Variants in PCDHGA3 observed in about 807,000 individuals in gnomAD.
The protein encoded by PCDHGA3 is protocadherin gamma subfamily A, 3.
PCDHGA3 carries 40 observed loss-of-function variants against 58.5 expected under a neutral mutation model. The ratio of observed to expected loss-of-function variants is 0.68; its 90% CI spans 0.53 to 0.89. The LOEUF is 0.89. Among genes scored for constraint, PCDHGA3 ranks in the 40% least tolerant of loss-of-function variants. The pLI is 0.00. For synonymous variants in PCDHGA3, 530 were observed against 525.7 expected (o/e 1.01, Z -0.11); for missense variants, 1,223 against 1,195.9 (o/e 1.02, Z -0.33).
chr5:141,374,469 A>C (rs1770516740), intron 1 of PCDHGA3: 1 of 1,612,580 alleles, frequency 6.2e-7, no homozygotes, highest in Admixed American at 1.7e-5. Context: ...ATTAATGACA[A>C]TACACCCCGA....
At chr5:141,418,882 C>T (rs945382775) in intron 1 of PCDHGA3, 8 of 1,613,960 alleles carry the variant, frequency 5.0e-6, no homozygotes, top group Admixed American at 1.7e-5. Flanking sequence ...TAGACGAAAA[C>T]GACAACAGCC....
At chr5:141,451,352 A>G (rs2098714151) in intron 1 of PCDHGA3, among the ~76,000 whole-genome samples, 1 of 152,232 alleles carries the variant, frequency 6.6e-6, no homozygotes, top group Non-Finnish European at 1.5e-5. Flanking sequence ...AAGGGTCAAC[A>G]GAGGATGGAT....
At chr5:141,364,382 A>G (rs745604333) in intron 1 of PCDHGA3, 3 of 1,582,176 alleles carry the variant, frequency 1.9e-6, no homozygotes, top group South Asian at 2.3e-5. Flanking sequence ...GCTGCCCTTC[A>G]TGCTCCTGGG....
intron 3 of PCDHGA3, chr5:141,507,313 T>TAC (rs1554192306): frequency 6.7e-6 from 1 of 150,168 alleles, no homozygotes. Context: ...CATAATGTAC[T>TAC]AAAAAAAAAA....
At chr5:141,389,794 G>A (rs1015982333) in intron 1 of PCDHGA3, 21 of 1,613,396 alleles carry the variant, frequency 1.3e-5, no homozygotes, top group East Asian at 2.2e-5. Flanking sequence ...GACGCCGTCC[G>A]CCAGCGCCTT....
chr5:141,501,390 T>TCAC (rs1033806087), intron 2 of PCDHGA3, among the ~76,000 whole-genome samples: 4 of 151,794 alleles, frequency 2.6e-5, no homozygotes, highest in African/African-American at 9.7e-5. Flanking sequence ...CTAGGTCCTG[T>TCAC]CACAGGCCAC....
intron 1 of PCDHGA3, chr5:141,428,184 C>G: frequency 6.8e-7 from 1 of 1,463,674 alleles, no homozygotes; most frequent in Middle Eastern, 1.7e-4. Flanking sequence ...GGAGGACAGC[C>G]GCCGCTCTCT....
In PCDHGA3 at chr5:141,352,325, G is replaced by A. The variant is rs1001145372; in HGVS notation, c.2424+5868G>A. Reference sequence around the variant, plus strand: ...CCAGACGGAACTGCAGTTTTACCTGGTTGTGGCCTTGGCCTTGATCTCAGT... The same window carrying A: ...CCAGACGGAACTGCAGTTTTACCTGATTGTGGCCTTGGCCTTGATCTCAGT... On this transcript the variant is annotated intron_variant, in intron 1 of 3. Transcript: ENST00000253812. The A allele has an allele frequency of 1.2e-6, 2 of 1,614,080 alleles. No individual in the cohort carries two copies.
intron 1 of PCDHGA3, among the ~76,000 whole-genome samples, chr5:141,434,049 A>G (rs868088310): frequency 2.0e-5 from 3 of 152,116 alleles, no homozygotes; most frequent in Non-Finnish European, 2.9e-5. Flanking sequence ...ATTTTATTCA[A>G]TGGCCTGTAA....
intron 1 of PCDHGA3, among the ~76,000 whole-genome samples, chr5:141,348,336 G>A (rs1758099734): frequency 6.6e-6 from 1 of 152,280 alleles, no homozygotes; most frequent in African/African-American, 2.4e-5. Context: ...AAGGCCCATA[G>A]CCAGGGGAGG....
intron 1 of PCDHGA3, among the ~76,000 whole-genome samples, chr5:141,438,587 CATACATAT>C (rs1166583123): frequency 1.2e-4 from 9 of 73,430 alleles, no homozygotes; most frequent in Non-Finnish European, 1.6e-4. Flanking sequence ...TACATACATA[CATACATAT>C]ATATATATAT....
intron 1 of PCDHGA3, chr5:141,388,233 T>C (rs924261107): frequency 1.2e-6 from 2 of 1,608,114 alleles, no homozygotes; most frequent in South Asian, 1.1e-5. Flanking sequence ...ACTGAACTTT[T>C]ATCACGTGAA....
chr5:141,352,471 C>T (rs746391731), intron 1 of PCDHGA3: 6 of 1,614,034 alleles, frequency 3.7e-6, no homozygotes, highest in Non-Finnish European at 5.1e-6. Flanking sequence ...GGGTTCCTCC[C>T]AACCACAGCG....
At chr5:141,500,215 T>G (rs888740312) in intron 2 of PCDHGA3, among the ~76,000 whole-genome samples, 8 of 150,660 alleles carry the variant, frequency 5.3e-5, no homozygotes, top group African/African-American at 1.9e-4. Context: ...TTTATTTATT[T>G]ATTTATTTAT....
At chr5:141,426,010 C>T (rs2096909211) in intron 1 of PCDHGA3, among the ~76,000 whole-genome samples, 1 of 152,178 alleles carries the variant, frequency 6.6e-6, no homozygotes, top group Non-Finnish European at 1.5e-5. Flanking sequence ...CTTCCGGCTG[C>T]AGTTTTCTAA....
chr5:141,433,221 A>G, intron 1 of PCDHGA3: 1 of 1,475,672 alleles, frequency 6.8e-7, no homozygotes, highest in African/African-American at 1.4e-5. Context: ...TTTTTTTTTT[A>G]ATTGCTCTGT....
chr5:141,408,203 A>G (rs1299661641), intron 1 of PCDHGA3: 2 of 1,550,806 alleles, frequency 1.3e-6, no homozygotes, highest in African/African-American at 1.4e-5. Flanking sequence ...CGAGCGAACG[A>G]TGGGAGGGAG....
rs1301800438 is a variant in PCDHGA3, at chr5:141,432,966, C to T, written c.2425-61841C>T. ...TCAGGAGGCGGCTTGACAGGAGCGC[C>T]GGCGTCGCACTTTGTGGGCGTGGAC... On this transcript the variant is annotated intron_variant, in intron 1 of 3. Coordinates refer to ENST00000253812, the MANE Select transcript of PCDHGA3 (RefSeq NM_018916.4). This position sits in a 1 kb window ranked among gnomAD's most constrained non-coding sequence, Gnocchi z 6.0. 1.2e-6 allele frequency: 2 copies of T among 1,614,066 alleles called. No homozygotes were observed. The highest frequency in any genetic ancestry group is 8.5e-7 in the Non-Finnish European group (1 of 1,180,052).
Position 141,346,317 on chromosome 5 carries a change from G to A in PCDHGA3, c.2284G>A (p.Asp762Asn). The A allele has an allele frequency of 6.2e-7, 1 of 1,614,208 alleles. No homozygotes were observed. Among genetic ancestry groups the A allele is most frequent in the Admixed American group, 1.7e-5 (1 of 60,026 alleles). ...TYSHEVSLTADSRKSHLIFPQ... is the reference protein window; with the variant it reads ...TYSHEVSLTANSRKSHLIFPQ... Reference sequence around the variant, plus strand: ...TTCCCACGAGGTCTCCCTCACTGCGGACTCGCGGAAGAGCCACCTGATTTT... The same window carrying A: ...TTCCCACGAGGTCTCCCTCACTGCGAACTCGCGGAAGAGCCACCTGATTTT... The change falls in exon 1 of 4, where the codon GAC becomes AAC. Residue 762 changes from aspartate (D) to asparagine (N), a missense_variant. Physicochemically the swap from Asp to Asn is conservative, Grantham distance 23. Coordinates refer to ENST00000253812, the MANE Select transcript of PCDHGA3 (RefSeq NM_018916.4).
Sources: allele counts gnomAD v4.1 joint callset (sites outside exome capture counted in the v4.1 genomes callset), GRCh38; gene constraint gnomAD v4.1.1; non-coding constraint Gnocchi (gnomAD v3.1); transcripts MANE v1.5; gene names NCBI Gene and HGNC (gene_info 2026-07-23, HGNC 2026-07-21).